Variants in ZNF425 observed in about 807,000 individuals in gnomAD.
The protein encoded by ZNF425 is zinc finger protein 425.
In ZNF425, 21 loss-of-function variants were observed where a neutral mutation model predicts 17.0. That is an observed-to-expected ratio of 1.23 (90% confidence interval 0.88 to 1.78). ZNF425 has a LOEUF of 1.78. Ranked by LOEUF, ZNF425 falls within the 40% of genes most tolerant of loss-of-function variation. The pLI is 0.00. For missense variants in ZNF425, 868 were observed against 967.3 expected (o/e 0.90, Z 1.36); for synonymous variants, 433 against 384.1 (o/e 1.13, Z -1.49).
Position 149,104,020 on chromosome 7 carries a change from C to A in ZNF425, c.1851G>T (p.Lys617Asn), listed in dbSNP as rs892186085. The A allele has an allele frequency of 6.2e-7, 1 of 1,613,680 alleles. No homozygotes were observed. Among genetic ancestry groups the A allele is most frequent in the Non-Finnish European group, 8.5e-7 (1 of 1,179,746 alleles). ...EKPYQCPECE[K>N]TFRLKGNLKS... ...TCAGGTTTCCCTTGAGGCGGAAAGT[C>A]TTCTCGCATTCAGGACACTGGTAGG... The change falls in exon 4 of 4, where the codon AAG (lysine) becomes AAT (asparagine). Residue 617 changes from lysine to asparagine, a missense_variant. Lys to Asn is a moderately conservative substitution (Grantham distance 94, BLOSUM62 0). Coordinates refer to ENST00000378061, the MANE Select transcript of ZNF425 (RefSeq NM_001001661.3). The surrounding 1 kb of genome is among the most constrained non-coding windows in gnomAD (Gnocchi z 4.3).
At chr7:149,111,283 T>C (rs1005598112) in intron 3 of ZNF425, among the ~76,000 whole-genome samples, 17 of 151,570 alleles carry the variant, frequency 1.1e-4, no homozygotes, top group Non-Finnish European at 1.8e-4. Context: ...ACACTGTCTC[T>C]ACTAAAAATA....
chr7:149,126,121 G>A, intron 1 of ZNF425, 75 bp downstream of exon 1: 1 of 1,607,048 alleles, frequency 6.2e-7, no homozygotes. Flanking sequence ...CCACTCCCTG[G>A]ACGCGGACCC....
chr7:149,119,283 C>A (rs1316246229), intron 1 of ZNF425, among the ~76,000 whole-genome samples: 1 of 151,890 alleles, frequency 6.6e-6, no homozygotes, highest in African/African-American at 2.4e-5. Flanking sequence ...GTTCGAGAGA[C>A]CAACCTGGCC....
At chr7:149,112,920 C>A (rs559407339) in intron 2 of ZNF425, among the ~76,000 whole-genome samples, 70 of 151,482 alleles carry the variant, frequency 4.6e-4, no homozygotes, top group African/African-American at 1.6e-3. Context: ...CTGCGTCGGC[C>A]TCCCAAAGTG....
At chr7:149,123,465 A>G (rs762824792) in intron 1 of ZNF425, among the ~76,000 whole-genome samples, 1 of 152,214 alleles carries the variant, frequency 6.6e-6, no homozygotes, top group Non-Finnish European at 1.5e-5. Flanking sequence ...AATTCTATCT[A>G]AACTATCATA....
At chr7:149,111,845 A>T (rs1826182629) in intron 3 of ZNF425, among the ~76,000 whole-genome samples, 1 of 150,536 alleles carries the variant, frequency 6.6e-6, no homozygotes, top group Non-Finnish European at 1.5e-5. Context: ...ACGCCCAGCT[A>T]ATTTTTTTGT....
chr7:149,110,796 C>CT (rs71192754), intron 3 of ZNF425, among the ~76,000 whole-genome samples: 74,120 of 133,134 alleles, frequency 0.56, 22,937 homozygotes, highest in East Asian at 0.89. Context: ...ATCCCTTGTT[C>CT]TTTTTTTTTT....
At chr7:149,122,643 A>G (rs1226262689) in intron 1 of ZNF425, among the ~76,000 whole-genome samples, 1 of 151,988 alleles carries the variant, frequency 6.6e-6, no homozygotes, top group Non-Finnish European at 1.5e-5. Context: ...CTCCAGTGTC[A>G]CCTTCTACAG....
In ZNF425 at chr7:149,117,642, C is replaced by CTTTTTTTTTTTT. The variant is rs869026303; in HGVS notation, c.145+568_145+579dup. 1.1e-4 allele frequency among the ~76,000 whole-genome samples: 6 copies of CTTTTTTTTTTTT among 54,984 alleles called. 1 individual carries two copies. The highest frequency in any genetic ancestry group is 7.1e-4 in the East Asian group (1 of 1,406). 36.1% of individuals were successfully genotyped at this position (54,984 alleles called of 152,430 possible). A position where few individuals can be genotyped will look rare whatever the true frequency, so the allele number is the denominator to read the frequency against. On this transcript the variant is annotated intron_variant, in intron 2 of 3. Transcript: ENST00000378061. ...GGGGCAATTAGATTACTTAGTAATT[C>CTTTTTTTTTTTT]TTTTTTTTTTTTTTTTTTTTTTTTT...
rs1258563945 is a variant in ZNF425, at chr7:149,116,614, C to A, written c.145+1608G>T. 3.9e-5 allele frequency among the ~76,000 whole-genome samples: 6 copies of A among 152,218 alleles called. No homozygotes were observed. In the East Asian group the frequency reaches 5.8e-4, roughly 15 times the overall value. On this transcript the variant is annotated intron_variant, in intron 2 of 3. Coordinates refer to ENST00000378061, the MANE Select transcript of ZNF425 (RefSeq NM_001001661.3). ...TATGATTCATTCTCCACATAGCAAC[C>A]CAAGTAACCATTTTAAAAGTAAATC...
chr7:149,104,774 C>A lies in ZNF425; in HGVS notation c.1097G>T (p.Ser366Ile). 6.2e-7 allele frequency: 1 copy of A among 1,613,334 alleles called. No homozygotes were observed. The highest frequency in any genetic ancestry group is 8.5e-7 in the Non-Finnish European group (1 of 1,179,840). Residue 366 changes from serine to isoleucine, a missense_variant, in exon 4 of 4, where the codon AGC becomes ATC. By Grantham distance (142) the Ser-to-Ile change is moderately radical (BLOSUM62 -2). This residue lies in a region of ZNF425 where 243 missense variants were observed against 265.2 expected (regional missense o/e 0.92). Coordinates refer to ENST00000378061, the MANE Select transcript of ZNF425 (RefSeq NM_001001661.3). This position sits in a 1 kb window ranked among gnomAD's most constrained non-coding sequence, Gnocchi z 4.3. ...CTTCAGGGCAGCCTTCCGGGAGAAG[C>A]TCCGGCCACACTCGGGACAGTGGAA... ...RPFHCPECGR[S>I]FSRKAALKTH... is the part of the protein sequence containing the mutation.
chr7:149,104,016 A>G lies in ZNF425; in HGVS notation c.1855T>C (p.Phe619Leu). 1 of 1,613,886 alleles carries G rather than the reference A, an allele frequency of 6.2e-7. No homozygotes were observed. Among genetic ancestry groups the G allele is most frequent in the Non-Finnish European group, 8.5e-7 (1 of 1,179,818 alleles). The change falls in exon 4 of 4, where the codon TTC becomes CTC. Residue 619 changes from phenylalanine to leucine, a missense_variant. By Grantham distance (22) the Phe-to-Leu change is conservative. Coordinates refer to ENST00000378061, the MANE Select transcript of ZNF425 (RefSeq NM_001001661.3). The surrounding 1 kb of genome is among the most constrained non-coding windows in gnomAD (Gnocchi z 4.3). ...CTTTTCAGGTTTCCCTTGAGGCGGAAAGTCTTCTCGCATTCAGGACACTGG... is the reference window on the plus strand; with the variant it reads ...CTTTTCAGGTTTCCCTTGAGGCGGAGAGTCTTCTCGCATTCAGGACACTGG... ...PYQCPECEKTFRLKGNLKSHL... is the reference protein window; with the variant it reads ...PYQCPECEKTLRLKGNLKSHL...
At position 149,123,886 on chromosome 7, in the gene ZNF425, C is replaced by T. The variant is rs1314939169; in HGVS notation, c.18+2310G>A. Among the ~76,000 whole-genome samples the T allele has an allele frequency of 1.3e-4, 19 of 144,930 alleles. 1 individual carries two copies. Among genetic ancestry groups the T allele is most frequent in the Non-Finnish European group, 4.5e-5 (3 of 66,886 alleles). ...TTTTTGAGACGGAGTCTCGCTCTTT[C>T]GCCCAGACTGGAGAGCAGTGATGCC... On this transcript the variant is annotated intron_variant, in intron 1 of 3. Transcript: ENST00000378061.
chr7:149,115,916 G>A (rs58568083), intron 2 of ZNF425, among the ~76,000 whole-genome samples: 3 of 152,142 alleles, frequency 2.0e-5, no homozygotes, highest in Non-Finnish European at 2.9e-5. Context: ...AATCCTAAGC[G>A]CTGGGGCTGG....
intron 3 of ZNF425, among the ~76,000 whole-genome samples, chr7:149,110,465 C>T (rs941680097): frequency 6.6e-6 from 1 of 151,126 alleles, no homozygotes; most frequent in Non-Finnish European, 1.5e-5. Context: ...ACTCAGGAGG[C>T]TGAGGCAGGA....
intron 3 of ZNF425, among the ~76,000 whole-genome samples, chr7:149,111,613 A>G (rs1826178281): frequency 1.3e-5 from 2 of 148,298 alleles, no homozygotes; most frequent in South Asian, 4.2e-4. Flanking sequence ...AAAAAAAAAA[A>G]AAAAAAAATT....
At chr7:149,112,344 A>C in intron 2 of ZNF425, 49 bp from the exon 3 acceptor site, 1 of 1,563,152 alleles carries the variant, frequency 6.4e-7, no homozygotes, top group Non-Finnish European at 8.7e-7. Flanking sequence ...TACTTAAATA[A>C]TTTTTTTGGC....
rs201335349 is a variant in ZNF425 at position 149,104,984 on chromosome 7, T to C, written c.887A>G (p.His296Arg). The C allele has an allele frequency of 6.2e-7, 1 of 1,614,178 alleles. No homozygotes were observed. Among genetic ancestry groups the C allele is most frequent in the Admixed American group, 1.7e-5 (1 of 60,024 alleles). ...RANLKKHLCLHRGERPFCCGE... is the reference protein window; with the variant it reads ...RANLKKHLCLRRGERPFCCGE... ...GCAGCAGAACGGCCGCTCCCCGCGGTGTAGACACAGGTGCTTCTTCAGGTT... is the reference window on the plus strand; with the variant it reads ...GCAGCAGAACGGCCGCTCCCCGCGGCGTAGACACAGGTGCTTCTTCAGGTT... Residue 296 changes from histidine (H) to arginine (R), a missense_variant, in exon 4 of 4, where the codon CAC becomes CGC. Physicochemically the swap from His to Arg is conservative, Grantham distance 29 (BLOSUM62 0). Around this residue, in one of 5 missense-constraint regions of ZNF425, gnomAD observed 243 missense variants for 265.2 expected, o/e 0.92. Coordinates refer to ENST00000378061, the MANE Select transcript of ZNF425 (RefSeq NM_001001661.3). The surrounding 1 kb of genome is among the most constrained non-coding windows in gnomAD (Gnocchi z 4.3).
At chr7:149,111,505 T>A (rs1357636160) in intron 3 of ZNF425, among the ~76,000 whole-genome samples, 4 of 133,738 alleles carry the variant, frequency 3.0e-5, no homozygotes, top group Non-Finnish European at 6.1e-5. Context: ...GGAAGGAGAA[T>A]CCCTGGAACC....
Sources: gnomAD v4.1 joint callset for allele counts (sites outside exome capture counted in the v4.1 genomes callset) on GRCh38, gnomAD v4.1.1 for gene constraint, gnomAD v4.1.1 regional missense constraint, Gnocchi (gnomAD v3.1) non-coding constraint, MANE v1.5 for transcripts, NCBI Gene and HGNC (gene_info 2026-07-23, HGNC 2026-07-21) for gene names.